EPHA6: variants seen among roughly 807,000 people sequenced by gnomAD.
EPHA6 encodes the protein ephrin type-A receptor 6.
Under a neutral mutation model 112.0 loss-of-function variants are expected in EPHA6, and 50 were observed. The ratio of observed to expected loss-of-function variants is 0.45; its 90% CI spans 0.36 to 0.56. The LOEUF is 0.56. EPHA6 is among the 20% of genes least tolerant of loss of function. EPHA6 has a pLI of 0.00. For missense variants in EPHA6, 1,280 were observed against 1,417.4 expected (o/e 0.90, Z 1.56); for synonymous variants, 529 against 490.7 (o/e 1.08, Z -1.03).
At chr3:97,218,622 A>G (rs1220988838) in intron 3 of EPHA6, among the ~76,000 whole-genome samples, 2 of 152,178 alleles carry the variant, frequency 1.3e-5, no homozygotes, top group African/African-American at 4.8e-5. Context: ...CTCCCTTGAC[A>G]CATAGGGATT....
intron 10 of EPHA6, among the ~76,000 whole-genome samples, chr3:97,528,242 A>G (rs1211074416): frequency 1.3e-5 from 2 of 152,160 alleles, no homozygotes; most frequent in Non-Finnish European, 2.9e-5. Context: ...CCAATAGGGG[A>G]ATAAAATAGC....
At chr3:97,559,464 A>G (rs2093158896) in intron 11 of EPHA6, 1 of 319,256 alleles carries the variant, frequency 3.1e-6, no homozygotes, top group Non-Finnish European at 6.2e-6. Flanking sequence ...TCTTCTAGAA[A>G]CAAAGAAATT....
At chr3:96,964,564 C>T (rs1264459393) in intron 2 of EPHA6, among the ~76,000 whole-genome samples, 2 of 151,972 alleles carry the variant, frequency 1.3e-5, no homozygotes, top group African/African-American at 4.8e-5. Flanking sequence ...CTTTGTTATA[C>T]GATCTGTGTT....
chr3:97,100,846 C>A (rs1253739082), intron 3 of EPHA6, among the ~76,000 whole-genome samples: 4 of 151,800 alleles, frequency 2.6e-5, no homozygotes, highest in African/African-American at 9.7e-5. Context: ...CATATTCTAT[C>A]CTAATATTAA....
intron 2 of EPHA6, among the ~76,000 whole-genome samples, chr3:96,961,219 G>A (rs1415894930): frequency 6.6e-6 from 1 of 152,236 alleles, no homozygotes; most frequent in Non-Finnish European, 1.5e-5. Flanking sequence ...AGCCACTTTT[G>A]TAGGCCCACA....
chr3:97,632,773 C>T (rs751953713), intron 13 of EPHA6, among the ~76,000 whole-genome samples: 2 of 152,038 alleles, frequency 1.3e-5, no homozygotes, highest in Admixed American at 1.3e-4. Flanking sequence ...GGGTATGCAA[C>T]TGAAGATATG....
Position 97,405,021 on chromosome 3 carries a change from A to T in EPHA6, c.1607-129A>T. 3.1e-6 allele frequency: 3 copies of T among 964,552 alleles called. No homozygotes were observed. In the South Asian group the frequency reaches 5.2e-5, roughly 17 times the overall value. 59.7% of individuals were successfully genotyped at this position (964,552 alleles called of 1,614,324 possible). ...GAGCATATCGTAAGGCTATCTTATT[A>T]ATCTGCCTTCAATAAATGGTGTCCT... On this transcript the variant is annotated intron_variant, in intron 5 of 17. Coordinates refer to ENST00000389672, the MANE Select transcript of EPHA6 (RefSeq NM_001080448.3).
At chr3:97,579,439 T>A (rs968888328) in intron 11 of EPHA6, among the ~76,000 whole-genome samples, 1 of 152,200 alleles carries the variant, frequency 6.6e-6, no homozygotes, top group Non-Finnish European at 1.5e-5. Flanking sequence ...TCAGCTGAGG[T>A]GAATTAAGTC....
chr3:96,879,568 C>T (rs7652564), intron 2 of EPHA6, among the ~76,000 whole-genome samples: 33,383 of 151,824 alleles, frequency 0.22, 6,467 homozygotes, highest in African/African-American at 0.49. Context: ...AATAATATTG[C>T]ATATTTCAAA....
chr3:97,039,303 A>G (rs751286506), intron 3 of EPHA6, among the ~76,000 whole-genome samples: 1 of 152,012 alleles, frequency 6.6e-6, no homozygotes, highest in Non-Finnish European at 1.5e-5. Flanking sequence ...AAAACAGTTT[A>G]AACATGTTCA....
chr3:97,439,728 A>G, intron 6 of EPHA6: 3 of 578,556 alleles, frequency 5.2e-6, no homozygotes, highest in Non-Finnish European at 6.6e-6. Flanking sequence ...TCATTTACTT[A>G]GGAAAAGAAT....
chr3:97,370,165 A>G (rs895577821), intron 5 of EPHA6, among the ~76,000 whole-genome samples: 7 of 152,160 alleles, frequency 4.6e-5, no homozygotes, highest in African/African-American at 1.4e-4. Context: ...TGATAACTGA[A>G]TGGTTCACAA....
chr3:97,449,828 AG>A (rs2090465367), intron 7 of EPHA6, among the ~76,000 whole-genome samples: 1 of 152,126 alleles, frequency 6.6e-6, no homozygotes, highest in Non-Finnish European at 1.5e-5. Context: ...ATCATAAAAT[AG>A]GTCATAGTTT....
chr3:97,386,452 G>C (rs2086075745), intron 5 of EPHA6, among the ~76,000 whole-genome samples: 1 of 152,196 alleles, frequency 6.6e-6, no homozygotes, highest in Non-Finnish European at 1.5e-5. Context: ...CAATAGGGCA[G>C]TCATTAAACC....
chr3:96,940,175 C>T (rs62263697), intron 2 of EPHA6, among the ~76,000 whole-genome samples: 4,764 of 151,466 alleles, frequency 0.031, 106 homozygotes, highest in Middle Eastern at 0.066. Context: ...CTTTCTGTCT[C>T]GATCTGTCTA....
chr3:97,457,952 C>T (rs1157192546), intron 7 of EPHA6, among the ~76,000 whole-genome samples: 2 of 150,782 alleles, frequency 1.3e-5, no homozygotes, highest in Non-Finnish European at 2.9e-5. Context: ...CCAGTAGTCC[C>T]AGCTACTAGG....
At chr3:97,405,549 A>T (rs2317607) in intron 6 of EPHA6, among the ~76,000 whole-genome samples, 18,305 of 152,030 alleles carry the variant, frequency 0.12, 3,527 homozygotes, top group African/African-American at 0.4. Flanking sequence ...TTGTAAGAAG[A>T]AGTAACTTCT....
intron 5 of EPHA6, among the ~76,000 whole-genome samples, chr3:97,265,943 G>C (rs550033365): frequency 4.1e-4 from 63 of 152,304 alleles, no homozygotes; most frequent in African/African-American, 1.4e-3. Flanking sequence ...TTTGTCCCAT[G>C]GACTGTAGTT....
chr3:97,398,838 TA>T (rs1220209075), intron 5 of EPHA6, among the ~76,000 whole-genome samples: 1 of 151,500 alleles, frequency 6.6e-6, no homozygotes, highest in Non-Finnish European at 1.5e-5. Flanking sequence ...AATTGATGCA[TA>T]AAAATGGTAT....
Sources: allele counts gnomAD v4.1 joint callset (sites outside exome capture counted in the v4.1 genomes callset), GRCh38; gene constraint gnomAD v4.1.1; transcripts MANE v1.5; gene names NCBI Gene and HGNC (gene_info 2026-07-23, HGNC 2026-07-21).